The following PEMT variants were observed in gnomAD, a reference collection of about 807,000 sequenced individuals.
The protein encoded by PEMT is phospholipid methyltransferase.
A neutral mutation model predicts 27.4 loss-of-function variants in PEMT; 23 were observed. That is an observed-to-expected ratio of 0.84 (90% confidence interval 0.60 to 1.19). The LOEUF is 1.19. Ranked by LOEUF, PEMT falls within the 50% of genes most tolerant of loss-of-function variation. PEMT has a pLI of 0.00. For synonymous variants in PEMT, 137 were observed against 139.1 expected, an observed-to-expected ratio of 0.98 and a Z score of 0.11; for missense variants, 307 against 310.1, an observed-to-expected ratio of 0.99 and a Z score of 0.07.
intron 1 of PEMT, among the ~76,000 whole-genome samples, chr17:17,585,253 G>A (rs552713398): frequency 1.1e-3 from 160 of 152,248 alleles, no homozygotes; most frequent in African/African-American, 3.8e-3. Flanking sequence ...CAGGAGAATC[G>A]CATGAACCTG....
intron 1 of PEMT, among the ~76,000 whole-genome samples, chr17:17,587,807 C>T (rs1439858763): frequency 6.6e-6 from 1 of 152,066 alleles, no homozygotes; most frequent in Non-Finnish European, 1.5e-5. Flanking sequence ...ACTCGGGAGG[C>T]GGAGGTTGCA....
intron 2 of PEMT, among the ~76,000 whole-genome samples, chr17:17,574,980 G>C (rs1911480552): frequency 6.6e-6 from 1 of 152,174 alleles, no homozygotes; most frequent in African/African-American, 2.4e-5. Context: ...TTCCAGCAGG[G>C]GTCTTTGGCT....
At chr17:17,540,912 G>A (rs1316081980) in intron 2 of PEMT, among the ~76,000 whole-genome samples, 1 of 152,232 alleles carries the variant, frequency 6.6e-6, no homozygotes, top group African/African-American at 2.4e-5. Flanking sequence ...TAAATCTGCA[G>A]TGGGCAGGGA....
intron 3 of PEMT, among the ~76,000 whole-genome samples, chr17:17,518,597 A>T (rs1159557470): frequency 6.6e-6 from 1 of 151,428 alleles, no homozygotes; most frequent in Non-Finnish European, 1.5e-5. Context: ...ATAGTGACCT[A>T]CTCTCCCCTG....
At chr17:17,525,556 C>T (rs2142550602) in intron 2 of PEMT, among the ~76,000 whole-genome samples, 1 of 152,376 alleles carries the variant, frequency 6.6e-6, no homozygotes, top group Non-Finnish European at 1.5e-5. Context: ...CAGCACTCTG[C>T]TCTCACTGCT....
intron 2 of PEMT, among the ~76,000 whole-genome samples, chr17:17,562,536 C>T (rs954048687): frequency 9.9e-5 from 15 of 152,244 alleles, no homozygotes; most frequent in African/African-American, 3.6e-4. Flanking sequence ...CCTGGCCGGG[C>T]ACGGTGGCTC....
At chr17:17,569,842 A>G (rs1039342565) in intron 2 of PEMT, among the ~76,000 whole-genome samples, 1 of 152,218 alleles carries the variant, frequency 6.6e-6, no homozygotes, top group Non-Finnish European at 1.5e-5. Context: ...CCTCGGGACA[A>G]CACAGGGCAT....
intron 2 of PEMT, among the ~76,000 whole-genome samples, chr17:17,557,849 C>A (rs1156856620): frequency 6.6e-6 from 1 of 152,296 alleles, no homozygotes; most frequent in East Asian, 1.9e-4. Flanking sequence ...AGCTGAGCTT[C>A]AAGCCGGCCT....
intron 2 of PEMT, among the ~76,000 whole-genome samples, chr17:17,572,062 T>G (rs997287406): frequency 6.6e-6 from 1 of 152,206 alleles, no homozygotes; most frequent in Admixed American, 6.5e-5. Context: ...GAGCTCTTCC[T>G]CCACAAGCCT....
intron 3 of PEMT, among the ~76,000 whole-genome samples, chr17:17,518,683 C>A (rs1414764786): frequency 6.6e-6 from 1 of 152,234 alleles, no homozygotes; most frequent in Non-Finnish European, 1.5e-5. Context: ...CAAGCACGTG[C>A]CTGTGTTCTC....
intron 2 of PEMT, among the ~76,000 whole-genome samples, chr17:17,569,119 T>G (rs539935508): frequency 6.6e-5 from 10 of 152,184 alleles, no homozygotes; most frequent in Non-Finnish European, 1.2e-4. Flanking sequence ...GGAAAGAGAC[T>G]CTCAGGCTAA....
chr17:17,564,905 G>A (rs886557643), intron 2 of PEMT, among the ~76,000 whole-genome samples: 14 of 152,152 alleles, frequency 9.2e-5, no homozygotes, highest in Middle Eastern at 3.2e-3. Context: ...TGCACACACC[G>A]GGTGGGGTCC....
intron 2 of PEMT, among the ~76,000 whole-genome samples, chr17:17,576,511 C>T (rs1911600122): frequency 6.6e-6 from 1 of 152,214 alleles, no homozygotes; most frequent in Non-Finnish European, 1.5e-5. Context: ...GGGAGATTCA[C>T]AAGCAAGTGG....
intron 2 of PEMT, among the ~76,000 whole-genome samples, chr17:17,560,821 C>T (rs376211528): frequency 1.3e-5 from 2 of 151,868 alleles, no homozygotes; most frequent in East Asian, 1.9e-4. Context: ...AGCCTCCCCT[C>T]GACACTCCTC....
intron 3 of PEMT, among the ~76,000 whole-genome samples, chr17:17,521,720 C>T (rs977290468): frequency 6.6e-6 from 1 of 152,156 alleles, no homozygotes; most frequent in Non-Finnish European, 1.5e-5. Flanking sequence ...GCATGCACCA[C>T]CATGCCCGGC....
At chr17:17,567,436 G>A (rs1392076531) in intron 2 of PEMT, among the ~76,000 whole-genome samples, 2 of 152,260 alleles carry the variant, frequency 1.3e-5, no homozygotes, top group Non-Finnish European at 2.9e-5. Flanking sequence ...CTGCCATTCA[G>A]AGGCAGGCAG....
chr17:17,590,629 C>T (rs1327554998), intron 1 of PEMT, among the ~76,000 whole-genome samples: 1 of 152,192 alleles, frequency 6.6e-6, no homozygotes, highest in Non-Finnish European at 1.5e-5. Context: ...TCAATACTGG[C>T]TGGATCAGTG....
rs9902092 is a variant in PEMT, at chr17:17,563,921, G to A, written c.204+12999C>T. Among the ~76,000 whole-genome samples, 283 of 152,282 alleles carry A rather than the reference G, an allele frequency of 1.9e-3. 1 individual carries two copies. The highest frequency in any genetic ancestry group is 6.6e-3 in the African/African-American group (276 of 41,566). ...TGGAAGAGGGGAGTCTCTAGCACTCGGCCTGCACAGGGCTTGTGAGGCCCT... is the reference window on the plus strand; with the variant it reads ...TGGAAGAGGGGAGTCTCTAGCACTCAGCCTGCACAGGGCTTGTGAGGCCCT... On this transcript the variant is annotated intron_variant, in intron 2 of 6. Transcript: ENST00000255389.
chr17:17,559,330 T>C (rs1333362340), intron 2 of PEMT, among the ~76,000 whole-genome samples: 3 of 152,202 alleles, frequency 2.0e-5, no homozygotes, highest in Non-Finnish European at 4.4e-5. Context: ...ACTGTACCCA[T>C]TTCACAGAAG....
Sources: gnomAD v4.1 joint callset for allele counts (sites outside exome capture counted in the v4.1 genomes callset) on GRCh38, gnomAD v4.1.1 for gene constraint, MANE v1.5 for transcripts, NCBI Gene and HGNC (gene_info 2026-07-23, HGNC 2026-07-21) for gene names.